ZDHHC14: variants seen among roughly 807,000 people sequenced by gnomAD.
ZDHHC14 encodes the protein zDHHC palmitoyltransferase 14.
A neutral mutation model predicts 47.7 loss-of-function variants in ZDHHC14; 16 were observed. The ratio of observed to expected loss-of-function variants is 0.34; its 90% CI spans 0.23 to 0.51. The LOEUF (loss-of-function observed/expected upper bound fraction) is 0.51, where lower values mean the gene tolerates loss of function less well. Among genes scored for constraint, ZDHHC14 ranks in the 20% least tolerant of loss-of-function variants. The probability of loss-of-function intolerance (pLI) is 0.97; values close to 1 mark genes in which losing one functional copy is unlikely to be tolerated. For synonymous variants in ZDHHC14, 293 were observed against 278.9 expected, an observed-to-expected ratio of 1.05 and a Z score of -0.50; for missense variants, 515 against 662.5, an observed-to-expected ratio of 0.78 and a Z score of 2.44.
intron 1 of ZDHHC14, among the ~76,000 whole-genome samples, chr6:157,535,019 G>A (rs150818284): frequency 3.3e-5 from 5 of 152,322 alleles, no homozygotes; most frequent in African/African-American, 1.2e-4. Flanking sequence ...TTTGAAGCCT[G>A]TATTATAAAG....
At chr6:157,660,210 TAGACGGAG>T (rs1778291583) in intron 8 of ZDHHC14, among the ~76,000 whole-genome samples, 1 of 151,748 alleles carries the variant, frequency 6.6e-6, no homozygotes, top group Non-Finnish European at 1.5e-5. Context: ...TTTTTCTTTT[TAGACGGAG>T]TCTCACTCTT....
rs2114887816 is a variant in ZDHHC14, at chr6:157,590,393, G to T, written c.407-2595G>T. Among the ~76,000 whole-genome samples, 4 of 152,296 alleles carry T rather than the reference G, an allele frequency of 2.6e-5. 1 individual carries two copies. Among genetic ancestry groups the T allele is most frequent in the Admixed American group, 2.6e-4 (4 of 15,302 alleles). ...TCAGGTCCAGGGCCCCCTGCTGTGT[G>T]CAGCCTATGGACTCTAACCCAGCCA... On this transcript the variant is annotated intron_variant, in intron 2 of 8. Transcript: ENST00000359775.
chr6:157,624,319 A>G (rs2114944227), intron 3 of ZDHHC14, among the ~76,000 whole-genome samples: 1 of 152,292 alleles, frequency 6.6e-6, no homozygotes, highest in East Asian at 1.9e-4. Flanking sequence ...AGGATGGGCC[A>G]CCATGTGAGG....
At chr6:157,628,616 C>T (rs796691532) in intron 4 of ZDHHC14, 130 bp downstream of exon 4, 1 of 1,246,298 alleles carries the variant, frequency 8.0e-7, no homozygotes, top group Admixed American at 2.2e-5. Flanking sequence ...CTTTCCCCTC[C>T]TCACTTCCAG....
intron 1 of ZDHHC14, among the ~76,000 whole-genome samples, chr6:157,417,105 G>A (rs1777996917): frequency 6.7e-6 from 1 of 148,380 alleles, no homozygotes; most frequent in Admixed American, 6.9e-5. Flanking sequence ...TAGGATCACA[G>A]GCATGAGCCA....
chr6:157,672,247 G>A (rs1778830666), intron 8 of ZDHHC14, among the ~76,000 whole-genome samples: 1 of 152,112 alleles, frequency 6.6e-6, no homozygotes, highest in African/African-American at 2.4e-5. Context: ...ATCCATCAGT[G>A]GACACTTGAG....
chr6:157,606,048 A>G (rs1784528249), intron 3 of ZDHHC14, among the ~76,000 whole-genome samples: 1 of 152,220 alleles, frequency 6.6e-6, no homozygotes, highest in African/African-American at 2.4e-5. Context: ...TCATATGTGT[A>G]TATGAAGATC....
chr6:157,552,647 A>G (rs35691734), intron 2 of ZDHHC14, among the ~76,000 whole-genome samples: 101,603 of 151,936 alleles, frequency 0.67, 34,823 homozygotes, highest in African/African-American at 0.83. Context: ...ACCTGGGAAG[A>G]CTGAGCAGGT....
chr6:157,517,676 G>A (rs749250172), intron 1 of ZDHHC14, among the ~76,000 whole-genome samples: 3 of 152,124 alleles, frequency 2.0e-5, no homozygotes, highest in East Asian at 1.9e-4. Flanking sequence ...CCAAACCGGC[G>A]ACTCCTGACC....
chr6:157,562,433 C>A (rs1337669513), intron 2 of ZDHHC14, among the ~76,000 whole-genome samples: 1 of 152,164 alleles, frequency 6.6e-6, no homozygotes, highest in African/African-American at 2.4e-5. Flanking sequence ...TTCCGCTGTC[C>A]CTGGCTGGCC....
chr6:157,654,747 T>C (rs1332486287), intron 8 of ZDHHC14, among the ~76,000 whole-genome samples: 1 of 151,778 alleles, frequency 6.6e-6, no homozygotes, highest in Non-Finnish European at 1.5e-5. Flanking sequence ...TCTCTTTTTT[T>C]TTTTTGGAGA....
intron 1 of ZDHHC14, among the ~76,000 whole-genome samples, chr6:157,431,760 C>T (rs2114781543): frequency 6.8e-6 from 1 of 146,618 alleles, no homozygotes; most frequent in South Asian, 2.1e-4. Flanking sequence ...GACGGAGTCT[C>T]ACTGTGTCAC....
chr6:157,382,108 C>G lies in ZDHHC14; in HGVS notation c.87C>G (p.His29Gln), dbSNP rs200296666. The G allele has an allele frequency of 9.7e-4, 1,557 of 1,612,900 alleles. 4 individuals carry two copies. Among genetic ancestry groups the G allele is most frequent in the Non-Finnish European group, 1.2e-3 (1,428 of 1,179,514 alleles). The change falls in exon 1 of 9, where the codon CAC (histidine) becomes CAG (glutamine). Residue 29 changes from histidine (H) to glutamine (Q), a missense_variant. This residue lies in a region of ZDHHC14 where 59 missense variants were observed against 57.7 expected (regional missense o/e 1.02). Coordinates refer to ENST00000359775, the MANE Select transcript of ZDHHC14 (RefSeq NM_024630.3). The part of the protein sequence containing the change: ...THSSSPMESP[H>Q]KKKKIAARRK... ...GCTCCTCCCCCATGGAGTCGCCCCACAAGAAGAAGAAAATCGCGGCCCGGA... is the reference window on the plus strand; with the variant it reads ...GCTCCTCCCCCATGGAGTCGCCCCAGAAGAAGAAGAAAATCGCGGCCCGGA...
At chr6:157,522,137 G>A (rs565219698) in intron 1 of ZDHHC14, among the ~76,000 whole-genome samples, 23 of 152,110 alleles carry the variant, frequency 1.5e-4, no homozygotes, top group African/African-American at 4.8e-4. Flanking sequence ...GCTGAATGAC[G>A]TCCTTCAATG....
intron 1 of ZDHHC14, among the ~76,000 whole-genome samples, chr6:157,448,773 A>G (rs1430047001): frequency 6.6e-6 from 1 of 152,124 alleles, no homozygotes; most frequent in East Asian, 1.9e-4. Flanking sequence ...GACGAGTTTC[A>G]CCATTTTGGC....
intron 3 of ZDHHC14, among the ~76,000 whole-genome samples, chr6:157,620,801 A>G (rs564114385): frequency 6.6e-6 from 1 of 152,260 alleles, no homozygotes; most frequent in East Asian, 1.9e-4. Context: ...CACAGCAACC[A>G]GCAGAGAATT....
chr6:157,644,610 C>T (rs924641183), intron 5 of ZDHHC14, among the ~76,000 whole-genome samples: 2 of 152,192 alleles, frequency 1.3e-5, no homozygotes, highest in East Asian at 3.9e-4. Flanking sequence ...ACCACGGCAC[C>T]GCACTGGGTA....
At chr6:157,483,551 A>G (rs1779683951) in intron 1 of ZDHHC14, among the ~76,000 whole-genome samples, 2 of 152,216 alleles carry the variant, frequency 1.3e-5, no homozygotes, top group Non-Finnish European at 2.9e-5. Flanking sequence ...AGTAATGATG[A>G]TGATGATGGG....
intron 2 of ZDHHC14, among the ~76,000 whole-genome samples, chr6:157,571,316 T>C (rs1158007966): frequency 6.6e-6 from 1 of 152,210 alleles, no homozygotes; most frequent in East Asian, 1.9e-4. Flanking sequence ...ATGATGTTTT[T>C]CAAACTGTGC....
Sources: allele counts gnomAD v4.1 joint callset (sites outside exome capture counted in the v4.1 genomes callset), GRCh38; gene constraint gnomAD v4.1.1; regional missense constraint gnomAD v4.1.1; transcripts MANE v1.5; gene names NCBI Gene and HGNC (gene_info 2026-07-23, HGNC 2026-07-21).